ATRNL1: variants seen among roughly 807,000 people sequenced by gnomAD.
ATRNL1 encodes the protein attractin like 1.
A neutral mutation model predicts 182.7 loss-of-function variants in ATRNL1; 95 were observed. The ratio of observed to expected loss-of-function variants is 0.52; its 90% CI spans 0.44 to 0.62. ATRNL1 has a LOEUF of 0.62. Ranked by LOEUF, ATRNL1 falls within the 20% of genes least tolerant of loss-of-function variation. The probability of loss-of-function intolerance (pLI) is 0.00; values close to 1 mark genes in which losing one functional copy is unlikely to be tolerated. For synonymous variants in ATRNL1, 576 were observed against 568.3 expected (o/e 1.01, Z -0.19); for missense variants, 1,471 against 1,679.5 (o/e 0.88, Z 2.17).
chr10:115,553,199 A>G (rs1853101533), intron 26 of ATRNL1, among the ~76,000 whole-genome samples: 1 of 151,258 alleles, frequency 6.6e-6, no homozygotes, highest in African/African-American at 2.4e-5. Context: ...ATATTTTAAT[A>G]GTTACAAGAA....
chr10:115,867,730 AT>A (rs59623583), intron 28 of ATRNL1, among the ~76,000 whole-genome samples: 13 of 138,090 alleles, frequency 9.4e-5, no homozygotes, highest in South Asian at 2.3e-4. Flanking sequence ...CACCCTGTGA[AT>A]TTTTTTTTTT....
chr10:115,790,635 TAAA>T (rs34894694), intron 27 of ATRNL1, among the ~76,000 whole-genome samples: 1 of 140,080 alleles, frequency 7.1e-6, no homozygotes, highest in African/African-American at 2.6e-5. Context: ...TAACTTGACT[TAAA>T]AAAAAAAAAA....
At chr10:115,836,052 G>A (rs782173103) in intron 27 of ATRNL1, among the ~76,000 whole-genome samples, 14 of 152,270 alleles carry the variant, frequency 9.2e-5, no homozygotes, top group Middle Eastern at 3.4e-3. Flanking sequence ...GGAATCCAAC[G>A]TATAACGTAT....
chr10:115,822,900 A>G (rs1403992394), intron 27 of ATRNL1, among the ~76,000 whole-genome samples: 1 of 152,192 alleles, frequency 6.6e-6, no homozygotes, highest in Non-Finnish European at 1.5e-5. Flanking sequence ...CAAACAACAG[A>G]AAAAGGGGGA....
At chr10:115,639,372 T>G (rs1438070814) in intron 26 of ATRNL1, among the ~76,000 whole-genome samples, 2 of 152,238 alleles carry the variant, frequency 1.3e-5, no homozygotes, top group African/African-American at 4.8e-5. Context: ...GCTACAGACC[T>G]TCCTTTAAAA....
chr10:115,149,472 G>A (rs1184682989), intron 5 of ATRNL1, among the ~76,000 whole-genome samples: 1 of 151,994 alleles, frequency 6.6e-6, no homozygotes, highest in Non-Finnish European at 1.5e-5. Context: ...TTAACTGTGG[G>A]TTTGTCGTAT....
chr10:115,926,892 G>A (rs1589705404), intron 28 of ATRNL1, among the ~76,000 whole-genome samples: 1 of 152,056 alleles, frequency 6.6e-6, no homozygotes, highest in Non-Finnish European at 1.5e-5. Flanking sequence ...TCGAAAAGGA[G>A]GGACTCTTCC....
intron 24 of ATRNL1, among the ~76,000 whole-genome samples, chr10:115,473,982 G>T (rs1554972610): frequency 1.3e-5 from 2 of 151,162 alleles, no homozygotes; most frequent in African/African-American, 4.8e-5. Flanking sequence ...CCTGTGCAAG[G>T]TTTGTCAATT....
Position 115,160,141 on chromosome 10 carries a change from G to A in ATRNL1, c.931G>A (p.Val311Ile). 1 of 1,612,658 alleles carries A rather than the reference G, an allele frequency of 6.2e-7. No homozygotes were observed. The highest frequency in any genetic ancestry group is 8.5e-7 in the Non-Finnish European group (1 of 1,179,168). Residue 311 changes from valine to isoleucine, a missense_variant, in exon 6 of 29, where the codon GTT (valine) becomes ATT (isoleucine). Coordinates refer to ENST00000355044, the MANE Select transcript of ATRNL1 (RefSeq NM_207303.4). ...TGTAGGTCGGGCTTCACATAAAGCA[G>A]TTTTACACGGGAAATTTATGTGGGT... ...PSVGRASHKA[V>I]LHGKFMWVIG...
chr10:115,713,951 T>C (rs550445404), intron 26 of ATRNL1, among the ~76,000 whole-genome samples: 1 of 152,372 alleles, frequency 6.6e-6, no homozygotes, highest in South Asian at 2.1e-4. Context: ...TAGTTTACTA[T>C]GTTTGGTAAC....
chr10:115,199,775 A>G (rs1186249833), intron 8 of ATRNL1, among the ~76,000 whole-genome samples: 2 of 152,130 alleles, frequency 1.3e-5, no homozygotes, highest in Admixed American at 6.6e-5. Context: ...AATGTAAACT[A>G]GTTTGTTTGC....
At position 115,093,617 on chromosome 10, in the gene ATRNL1, C is replaced by T. The variant is rs1554862143; in HGVS notation, c.-134C>T. ...GGATCTGTCCCTCCTGACCGGGGAGCGGGACTCGGACGGGCGCCGGTGAGG... is the reference window on the plus strand; with the variant it reads ...GGATCTGTCCCTCCTGACCGGGGAGTGGGACTCGGACGGGCGCCGGTGAGG... On this transcript the variant is annotated 5_prime_UTR_variant, in exon 1 of 29. Transcript: ENST00000355044. The surrounding 1 kb of genome is among the most constrained non-coding windows in gnomAD (Gnocchi z 6.1). 6 of 1,023,818 alleles carry T rather than the reference C, an allele frequency of 5.9e-6. No individual in the cohort carries two copies. The highest frequency in any genetic ancestry group is 1.4e-5 in the South Asian group (1 of 71,962). 63.4% of individuals were successfully genotyped at this position (1,023,818 alleles called of 1,614,324 possible).
intron 22 of ATRNL1, 85 bp downstream of exon 22, chr10:115,462,120 A>G (rs1389881147): frequency 1.8e-5 from 16 of 910,584 alleles, no homozygotes; most frequent in Non-Finnish European, 2.5e-5. Context: ...CTCTTCTCAG[A>G]ATTATCACAT....
At chr10:115,260,306 C>T (rs1465883005) in intron 10 of ATRNL1, among the ~76,000 whole-genome samples, 4 of 152,198 alleles carry the variant, frequency 2.6e-5, no homozygotes, top group African/African-American at 9.6e-5. Context: ...TCTAGCTACC[C>T]TTTATCCACT....
intron 18 of ATRNL1, among the ~76,000 whole-genome samples, chr10:115,319,842 T>C (rs1330863417): frequency 1.3e-5 from 2 of 152,156 alleles, no homozygotes; most frequent in East Asian, 3.9e-4. Flanking sequence ...TGACTCTTTA[T>C]CCAGTTTGCA....
chr10:115,308,627 A>G (rs1302495017), intron 17 of ATRNL1, among the ~76,000 whole-genome samples: 1 of 152,162 alleles, frequency 6.6e-6, no homozygotes, highest in Non-Finnish European at 1.5e-5. Context: ...AGCCAAAAAT[A>G]AATAAACAGG....
chr10:115,494,080 G>C (rs942646798), intron 24 of ATRNL1, among the ~76,000 whole-genome samples: 1 of 152,048 alleles, frequency 6.6e-6, no homozygotes, highest in Non-Finnish European at 1.5e-5. Context: ...TGCTTAATAT[G>C]CTGATAGTTT....
intron 21 of ATRNL1, among the ~76,000 whole-genome samples, chr10:115,452,930 G>C (rs77601820): frequency 0.013 from 1,989 of 152,130 alleles, 39 homozygotes; most frequent in African/African-American, 0.046. Flanking sequence ...TCTTATAAAT[G>C]TGGGATAATA....
chr10:115,359,325 C>T (rs992590554), intron 19 of ATRNL1, among the ~76,000 whole-genome samples: 1 of 151,740 alleles, frequency 6.6e-6, no homozygotes, highest in Middle Eastern at 3.4e-3. Flanking sequence ...ATTAATATTA[C>T]TACAAAGTAA....
Sources: allele counts gnomAD v4.1 joint callset (sites outside exome capture counted in the v4.1 genomes callset), GRCh38; gene constraint gnomAD v4.1.1; non-coding constraint Gnocchi (gnomAD v3.1); transcripts MANE v1.5; gene names NCBI Gene and HGNC (gene_info 2026-07-23, HGNC 2026-07-21).